The following NALCN variants were observed in gnomAD, a reference collection of about 807,000 sequenced individuals.
The protein encoded by NALCN is sodium leak channel, non-selective, also known as sodium leak channel NALCN.
Under a neutral mutation model 225.3 loss-of-function variants are expected in NALCN, and 111 were observed. That is an observed-to-expected ratio of 0.49 (90% CI 0.42 to 0.58). The LOEUF is 0.58. Ranked by LOEUF, NALCN falls within the 20% of genes least tolerant of loss-of-function variation. The pLI is 0.00. For missense variants in NALCN, 1,378 were observed against 2,202.4 expected, an observed-to-expected ratio of 0.63 and a Z score of 7.49; for synonymous variants, 764 against 769.0, an observed-to-expected ratio of 0.99 and a Z score of 0.11.
rs71292843 is a variant in NALCN at position 101,143,469 on chromosome 13, C to CT, written c.1977-249dup. Among the ~76,000 whole-genome samples the CT allele has an allele frequency of 0.023, 3,402 of 147,208 alleles. 122 individuals carry two copies. Among genetic ancestry groups the CT allele is most frequent in the African/African-American group, 0.072 (2,891 of 40,196 alleles). ...AGTAACCGATGGTAGTTTTTTGAAT[C>CT]TTTTTTTTTTTTGAGACGGAGTTTC... On this transcript the variant is annotated intron_variant, in intron 16 of 43. Transcript: ENST00000251127.
At position 101,089,628 on chromosome 13, in the gene NALCN, C is replaced by A; in HGVS notation, c.3489+35G>T. 1 of 1,596,822 alleles carries A rather than the reference C, an allele frequency of 6.3e-7. No individual in the cohort carries two copies. The highest frequency in any genetic ancestry group is 8.6e-7 in the Non-Finnish European group (1 of 1,166,948). ...GCTCAAAGTGAGTGGCTAGAAAAGG[C>A]TAAACCCTGTGGTATCCAAACCAAA... On this transcript the variant is annotated intron_variant, in intron 30 of 43. Coordinates refer to ENST00000251127, the MANE Select transcript of NALCN (RefSeq NM_052867.4). This position sits in a 1 kb window ranked among gnomAD's most constrained non-coding sequence, Gnocchi z 4.7.
chr13:101,119,743 C>T (rs750855246), intron 18 of NALCN, among the ~76,000 whole-genome samples: 15 of 152,172 alleles, frequency 9.9e-5, no homozygotes, highest in Admixed American at 6.5e-4. Flanking sequence ...TGGAGCTGAA[C>T]GATACAGTCT....
At chr13:101,102,606 C>G (rs2034883068) in intron 26 of NALCN, among the ~76,000 whole-genome samples, 1 of 152,144 alleles carries the variant, frequency 6.6e-6, no homozygotes. Context: ...AATGTTTGCC[C>G]AGCTAGAAAG....
At chr13:101,157,920 T>C (rs1017533098) in intron 15 of NALCN, among the ~76,000 whole-genome samples, 1 of 151,980 alleles carries the variant, frequency 6.6e-6, no homozygotes, top group Non-Finnish European at 1.5e-5. Flanking sequence ...ACCCAGCTAA[T>C]TTTTGTATTT....
At chr13:101,245,183 T>G (rs1186861225) in intron 11 of NALCN, among the ~76,000 whole-genome samples, 1 of 152,206 alleles carries the variant, frequency 6.6e-6, no homozygotes, top group Non-Finnish European at 1.5e-5. Flanking sequence ...AAGGGCTCAT[T>G]GGGACCCTTC....
chr13:101,143,802 T>C (rs536268854), intron 16 of NALCN, among the ~76,000 whole-genome samples: 1 of 152,280 alleles, frequency 6.6e-6, no homozygotes, highest in African/African-American at 2.4e-5. Flanking sequence ...AAACACTTTT[T>C]TTCCCCCTCT....
At chr13:101,243,129 G>C (rs1289047062) in intron 11 of NALCN, among the ~76,000 whole-genome samples, 1 of 90,170 alleles carries the variant, frequency 1.1e-5, no homozygotes, top group African/African-American at 4.1e-5. Context: ...GCTTTCTTCC[G>C]TTGTTTATGA....
intron 13 of NALCN, among the ~76,000 whole-genome samples, chr13:101,202,201 T>A (rs1451586048): frequency 6.6e-6 from 1 of 152,196 alleles, no homozygotes; most frequent in African/African-American, 2.4e-5. Context: ...AGGATAATAT[T>A]GATATACAGT....
chr13:101,211,869 ATTC>A (rs1013056274), intron 13 of NALCN, among the ~76,000 whole-genome samples: 15 of 151,982 alleles, frequency 9.9e-5, no homozygotes, highest in Admixed American at 2.6e-4. Flanking sequence ...CTGATCATAA[ATTC>A]TTGTCTTTCA....
chr13:101,414,863 A>T (rs1359336373), intron 1 of NALCN, among the ~76,000 whole-genome samples: 1 of 152,180 alleles, frequency 6.6e-6, no homozygotes, highest in Non-Finnish European at 1.5e-5. Flanking sequence ...ACAGAAGAGG[A>T]TCCAACTGAA....
chr13:101,398,310 A>G (rs2047373088), intron 2 of NALCN, among the ~76,000 whole-genome samples: 2 of 152,158 alleles, frequency 1.3e-5, no homozygotes, highest in Admixed American at 1.3e-4. Context: ...TGTGTGTATC[A>G]TGGTTGGGGG....
At chr13:101,234,654 T>C (rs1566468076) in intron 12 of NALCN, among the ~76,000 whole-genome samples, 1 of 152,238 alleles carries the variant, frequency 6.6e-6, no homozygotes, top group African/African-American at 2.4e-5. Flanking sequence ...ATCATTTTTA[T>C]TCATTATTAA....
At chr13:101,100,571 C>T (rs188613592) in intron 27 of NALCN, among the ~76,000 whole-genome samples, 6 of 152,236 alleles carry the variant, frequency 3.9e-5, no homozygotes, top group Admixed American at 1.3e-4. Context: ...AGTGTAAACA[C>T]CTTATTATTA....
chr13:101,203,213 T>G (rs1245211908), intron 13 of NALCN, among the ~76,000 whole-genome samples: 1 of 151,664 alleles, frequency 6.6e-6, no homozygotes, highest in Non-Finnish European at 1.5e-5. Context: ...ATTCCGGAAT[T>G]CCTATGTTTT....
chr13:101,084,008 A>AT (rs2033805434), intron 30 of NALCN, among the ~76,000 whole-genome samples: 1 of 152,204 alleles, frequency 6.6e-6, no homozygotes, highest in Non-Finnish European at 1.5e-5. Context: ...CAGGTGTTTC[A>AT]GAGAGAATTC....
In NALCN at chr13:101,182,881, C is replaced by T. The variant is rs74117670; in HGVS notation, c.1765-6507G>A. Among the ~76,000 whole-genome samples the T allele has an allele frequency of 2.8e-3, 432 of 152,170 alleles. 5 individuals carry two copies. Among genetic ancestry groups the T allele is most frequent in the African/African-American group, 9.8e-3 (405 of 41,506 alleles). The stretch of plus-strand genomic sequence containing the variant: ...TCTAATAAGGTGACAATAAGCACTG[C>T]GATAAAGGGTAGAAGTGAAGGAAGA... On this transcript the variant is annotated intron_variant, in intron 14 of 43. Transcript: ENST00000251127.
At chr13:101,409,426 C>A (rs2047715908) in intron 1 of NALCN, among the ~76,000 whole-genome samples, 1 of 152,190 alleles carries the variant, frequency 6.6e-6, no homozygotes, top group Non-Finnish European at 1.5e-5. Context: ...CTGAAACGTT[C>A]TACCCAGTAA....
intron 36 of NALCN, 65 bp downstream of exon 36, chr13:101,074,449 T>C: frequency 7.2e-7 from 1 of 1,398,392 alleles, no homozygotes; most frequent in Non-Finnish European, 9.4e-7. Flanking sequence ...AACATTTGTT[T>C]ATTTAAAATT....
chr13:101,182,131 C>T, intron 14 of NALCN, among the ~76,000 whole-genome samples: 1 of 33,258 alleles, frequency 3.0e-5, no homozygotes, highest in South Asian at 1.6e-3. Flanking sequence ...GAGACTCCAT[C>T]TCAAAAAAAA....
Sources: gnomAD v4.1 joint callset for allele counts (sites outside exome capture counted in the v4.1 genomes callset) on GRCh38, gnomAD v4.1.1 for gene constraint, Gnocchi (gnomAD v3.1) non-coding constraint, MANE v1.5 for transcripts, NCBI Gene and HGNC (gene_info 2026-07-23, HGNC 2026-07-21) for gene names.